The following IGF2BP2 variants were observed in gnomAD, a reference collection of about 807,000 sequenced individuals.
IGF2BP2 encodes insulin-like growth factor 2 mRNA-binding protein 2.
IGF2BP2 carries 17 observed loss-of-function variants against 75.8 expected under a neutral mutation model. The observed-to-expected ratio is 0.22, with a 90% confidence interval of 0.15 to 0.34. The LOEUF is 0.34. IGF2BP2 is among the 10% of genes least tolerant of loss of function. The probability of loss-of-function intolerance (pLI) is 1.00; values close to 1 mark genes in which losing one functional copy is unlikely to be tolerated. For synonymous variants in IGF2BP2, 288 were observed against 295.6 expected (o/e 0.97, Z 0.26); for missense variants, 516 against 772.4 (o/e 0.67, Z 3.93).
intron 2 of IGF2BP2, among the ~76,000 whole-genome samples, chr3:185,796,455 CAG>C (rs1262193411): frequency 6.6e-6 from 1 of 151,042 alleles, no homozygotes; most frequent in Non-Finnish European, 1.5e-5. Context: ...CCCAGCTACT[CAG>C]GGGCCTGAGG....
chr3:185,793,958 T>C (rs983770385), intron 2 of IGF2BP2, among the ~76,000 whole-genome samples: 2 of 48,300 alleles, frequency 4.1e-5, no homozygotes, highest in Non-Finnish European at 7.0e-5. Flanking sequence ...AGCAGATTCC[T>C]TTTTTTTTTT....
At position 185,680,074 on chromosome 3, in the gene IGF2BP2, A is replaced by G. The variant is rs187089051; in HGVS notation, c.813-4161T>C. The stretch of plus-strand genomic sequence containing the variant: ...CTGACAAATCCTTAGCTAGATTAAG[A>G]AAAAAAAAGAACATTCAATAACTAC... On this transcript the variant is annotated intron_variant, in intron 7 of 15. Coordinates refer to ENST00000382199, the MANE Select transcript of IGF2BP2 (RefSeq NM_006548.6). Among the ~76,000 whole-genome samples the G allele has an allele frequency of 5.3e-4, 81 of 151,408 alleles. 1 individual carries two copies. Among genetic ancestry groups the G allele is most frequent in the African/African-American group, 1.9e-3 (79 of 41,398 alleles).
intron 2 of IGF2BP2, among the ~76,000 whole-genome samples, chr3:185,781,269 C>G (rs6801848): frequency 0.39 from 58,552 of 151,928 alleles, 12,858 homozygotes; most frequent in African/African-American, 0.62. Flanking sequence ...CAGACAAATA[C>G]TATGTATCCA....
chr3:185,647,206 G>T lies in IGF2BP2; in HGVS notation c.1594-68C>A. ...CCGTCAACGTGGTGGGCTCAGGACG[G>T]AGTGAGGGGCCAAGAGGTGGAGCAG... On this transcript the variant is annotated intron_variant, in intron 14 of 15. Coordinates refer to ENST00000382199, the MANE Select transcript of IGF2BP2 (RefSeq NM_006548.6). The surrounding 1 kb of genome is among the most constrained non-coding windows in gnomAD (Gnocchi z 4.9). 8.9e-7 allele frequency: 1 copy of T among 1,124,760 alleles called. No homozygotes were observed. Among genetic ancestry groups the T allele is most frequent in the South Asian group, 1.2e-5 (1 of 81,250 alleles). 69.7% of individuals were successfully genotyped at this position (1,124,760 alleles called of 1,614,324 possible).
rs375235827 is a variant in IGF2BP2, at chr3:185,645,528, G to A, written c.*3C>T. The A allele has an allele frequency of 1.2e-6, 2 of 1,603,576 alleles. No individual in the cohort carries two copies. The highest frequency in any genetic ancestry group is 1.7e-5 in the Admixed American group (1 of 59,998). On this transcript the variant is annotated 3_prime_UTR_variant, in exon 16 of 16. Coordinates refer to ENST00000382199, the MANE Select transcript of IGF2BP2 (RefSeq NM_006548.6). The surrounding 1 kb of genome is among the most constrained non-coding windows in gnomAD (Gnocchi z 4.9). ...CGTTGTTTTGCTGGTGCCTGTGGGA[G>A]CCTCACTTGCTGCGCTGTGAGGCGA...
chr3:185,689,249 G>GC, intron 6 of IGF2BP2, 106 bp downstream of exon 6: 6 of 1,164,052 alleles, frequency 5.2e-6, no homozygotes, highest in Non-Finnish European at 7.3e-6. Context: ...TTACAGCACA[G>GC]CCCCCCACTG....
At chr3:185,720,081 T>C (rs1008897495) in intron 2 of IGF2BP2, among the ~76,000 whole-genome samples, 1 of 152,178 alleles carries the variant, frequency 6.6e-6, no homozygotes, top group Non-Finnish European at 1.5e-5. Context: ...CAACCTTCCA[T>C]CAACAAGGAG....
At chr3:185,762,267 C>A (rs570515214) in intron 2 of IGF2BP2, among the ~76,000 whole-genome samples, 7 of 151,282 alleles carry the variant, frequency 4.6e-5, no homozygotes, top group African/African-American at 1.7e-4. Flanking sequence ...GTGGCTCACA[C>A]CTGTAATCCT....
intron 2 of IGF2BP2, among the ~76,000 whole-genome samples, chr3:185,755,162 C>T (rs891462741): frequency 3.7e-4 from 57 of 152,332 alleles, no homozygotes; most frequent in Non-Finnish European, 1.5e-4. Context: ...GAGGAAAGAA[C>T]GGTTTAGTGG....
chr3:185,808,097 T>G (rs1207776107), intron 2 of IGF2BP2, among the ~76,000 whole-genome samples: 1 of 135,886 alleles, frequency 7.4e-6, no homozygotes, highest in East Asian at 2.1e-4. Context: ...CTGGACAAGA[T>G]GCCAAGACCT....
intron 2 of IGF2BP2, among the ~76,000 whole-genome samples, chr3:185,751,879 C>A (rs935033899): frequency 2.0e-5 from 3 of 151,936 alleles, no homozygotes; most frequent in Admixed American, 6.6e-5. Context: ...AGGAGAATGG[C>A]AGGAACCCGC....
chr3:185,700,913 C>T (rs955838980), intron 2 of IGF2BP2, among the ~76,000 whole-genome samples: 2 of 151,982 alleles, frequency 1.3e-5, no homozygotes, highest in Non-Finnish European at 2.9e-5. Flanking sequence ...GAAAACTCTC[C>T]AAGGTATGCT....
At chr3:185,797,171 A>C (rs776798650) in intron 2 of IGF2BP2, among the ~76,000 whole-genome samples, 2 of 152,194 alleles carry the variant, frequency 1.3e-5, no homozygotes, top group African/African-American at 2.4e-5. Flanking sequence ...CAATTATTTC[A>C]ACTACTTATA....
chr3:185,650,804 G>A (rs963027656), intron 13 of IGF2BP2, among the ~76,000 whole-genome samples: 1 of 152,054 alleles, frequency 6.6e-6, no homozygotes, highest in African/African-American at 2.4e-5. Context: ...CATAACTATT[G>A]GGAGTTAGTT....
intron 2 of IGF2BP2, among the ~76,000 whole-genome samples, chr3:185,777,382 T>C (rs1405935906): frequency 6.6e-6 from 1 of 152,176 alleles, no homozygotes; most frequent in Non-Finnish European, 1.5e-5. Context: ...CTCATGCCTG[T>C]AGTCCCAGCT....
chr3:185,800,038 T>C (rs1416811156), intron 2 of IGF2BP2, among the ~76,000 whole-genome samples: 1 of 152,176 alleles, frequency 6.6e-6, no homozygotes, highest in Non-Finnish European at 1.5e-5. Context: ...CAAATGTCCA[T>C]CAATGATAGA....
At chr3:185,704,615 A>G (rs1723758190) in intron 2 of IGF2BP2, among the ~76,000 whole-genome samples, 1 of 152,082 alleles carries the variant, frequency 6.6e-6, no homozygotes, top group African/African-American at 2.4e-5. Context: ...ATGCCCAGCT[A>G]TTTTTTGTAG....
At chr3:185,669,114 G>A (rs1718120312) in intron 10 of IGF2BP2, among the ~76,000 whole-genome samples, 1 of 152,210 alleles carries the variant, frequency 6.6e-6, no homozygotes, top group East Asian at 1.9e-4. Flanking sequence ...TGGTAGTGGT[G>A]GTATGGAAGA....
chr3:185,690,178 T>G (rs1721759854), intron 5 of IGF2BP2, among the ~76,000 whole-genome samples: 1 of 152,198 alleles, frequency 6.6e-6, no homozygotes, highest in Non-Finnish European at 1.5e-5. Context: ...CATTACAGCC[T>G]GGTTTCTCCA....
Sources: gnomAD v4.1 joint callset for allele counts (sites outside exome capture counted in the v4.1 genomes callset) on GRCh38, gnomAD v4.1.1 for gene constraint, Gnocchi (gnomAD v3.1) non-coding constraint, MANE v1.5 for transcripts, NCBI Gene and HGNC (gene_info 2026-07-23, HGNC 2026-07-21) for gene names.